Variants in BIRC6 observed in about 807,000 individuals in gnomAD.
BIRC6 encodes the protein dual E2 ubiquitin-conjugating enzyme/E3 ubiquitin-protein ligase BIRC6.
Under a neutral mutation model 503.3 loss-of-function variants are expected in BIRC6, and 98 were observed. The observed-to-expected ratio is 0.19, with a 90% CI of 0.17 to 0.23. The LOEUF (loss-of-function observed/expected upper bound fraction) is 0.23. Ranked by LOEUF, BIRC6 falls within the 10% of genes least tolerant of loss-of-function variation. BIRC6 has a pLI of 1.00. For missense variants in BIRC6, 5,360 were observed against 5,806.0 expected, an observed-to-expected ratio of 0.92 and a Z score of 2.50; for synonymous variants, 2,240 against 2,078.7, an observed-to-expected ratio of 1.08 and a Z score of -2.11.
intron 23 of BIRC6, among the ~76,000 whole-genome samples, chr2:32,459,707 G>A (rs559663964): frequency 2.6e-5 from 4 of 151,726 alleles, no homozygotes; most frequent in South Asian, 2.1e-4. Context: ...ACACACTGGT[G>A]GTATATATTC....
chr2:32,482,523 A>T lies in BIRC6; in HGVS notation c.7637A>T (p.Lys2546Met). 1 of 1,613,980 alleles carries T rather than the reference A, an allele frequency of 6.2e-7. No individual in the cohort carries two copies. Among genetic ancestry groups the T allele is most frequent in the East Asian group, 2.2e-5 (1 of 44,878 alleles). The change falls in exon 39 of 74, where the codon AAG becomes ATG. Residue 2546 changes from lysine (K) to methionine (M), a missense_variant. Physicochemically the swap from Lys to Met is moderately conservative, Grantham distance 95. Transcript: ENST00000421745. ...YIGGLGIPVA[K>M]PPANTEKNGS... is the part of the protein sequence containing the mutation. ...GGAGGTCTGGGAATTCCTGTAGCAA[A>T]GCCACCAGCAAACACGGAGAAGAAC...
At chr2:32,520,600 C>G (rs1023131025) in intron 57 of BIRC6, among the ~76,000 whole-genome samples, 7 of 152,132 alleles carry the variant, frequency 4.6e-5, no homozygotes, top group Non-Finnish European at 7.3e-5. Context: ...GGTGGATCAC[C>G]TCAGGTCAGG....
intron 23 of BIRC6, among the ~76,000 whole-genome samples, chr2:32,458,378 T>C (rs138929577): frequency 6.6e-6 from 1 of 152,298 alleles, no homozygotes; most frequent in Admixed American, 6.5e-5. Context: ...TCTTTAAATA[T>C]TGCTTCTGCT....
At chr2:32,560,996 G>C (rs1297155348) in intron 65 of BIRC6, among the ~76,000 whole-genome samples, 1 of 151,692 alleles carries the variant, frequency 6.6e-6, no homozygotes. Flanking sequence ...TCAGGAGGTC[G>C]AGACCAGCCT....
At chr2:32,583,966 A>G (rs1406452433) in intron 66 of BIRC6, among the ~76,000 whole-genome samples, 1 of 152,310 alleles carries the variant, frequency 6.6e-6, no homozygotes, top group East Asian at 1.9e-4. Context: ...TCCTGACCTC[A>G]GGCGATCTGC....
intron 12 of BIRC6, among the ~76,000 whole-genome samples, chr2:32,431,400 T>C (rs2044107420): frequency 6.6e-6 from 1 of 151,912 alleles, no homozygotes; most frequent in East Asian, 1.9e-4. Flanking sequence ...TTCACTCTGT[T>C]GGCCATGCTG....
At chr2:32,564,615 A>C (rs147528472) in intron 65 of BIRC6, 1 of 152,338 alleles carries the variant, frequency 6.6e-6, no homozygotes, top group East Asian at 1.9e-4. Context: ...GCATATTTTC[A>C]TGTGTTCATT....
In BIRC6 at chr2:32,519,170, A is replaced by T. The variant is rs1038071792; in HGVS notation, c.11623+224A>T. The T allele has an allele frequency of 9.7e-6, 4 of 412,550 alleles. No individual in the cohort carries two copies. In the South Asian group the frequency reaches 1.3e-4, roughly 14 times the overall value. 25.6% of individuals were successfully genotyped at this position (412,550 alleles called of 1,614,324 possible). ...TTTTGGTTTATTGTGTCACAGTGAGAAATGGGCAGCTAGAAATACAGACAA... is the reference window on the plus strand; with the variant it reads ...TTTTGGTTTATTGTGTCACAGTGAGTAATGGGCAGCTAGAAATACAGACAA... On this transcript the variant is annotated intron_variant, in intron 57 of 73. Coordinates refer to ENST00000421745, the MANE Select transcript of BIRC6 (RefSeq NM_016252.4).
chr2:32,491,575 C>A lies in BIRC6; in HGVS notation c.8340+17C>A. 6.2e-7 allele frequency: 1 copy of A among 1,610,118 alleles called. No individual in the cohort carries two copies. Among genetic ancestry groups the A allele is most frequent in the Non-Finnish European group, 8.5e-7 (1 of 1,178,124 alleles). On this transcript the variant is annotated intron_variant, in intron 44 of 73. Coordinates refer to ENST00000421745, the MANE Select transcript of BIRC6 (RefSeq NM_016252.4). ...AGTCCACAGGTAATATGATGTTTAG[C>A]CTGGCATATGCCCAGACTATTCAAT...
At chr2:32,396,198 C>T (rs564956274) in intron 6 of BIRC6, among the ~76,000 whole-genome samples, 1 of 152,014 alleles carries the variant, frequency 6.6e-6, no homozygotes. Context: ...TCATGTTTCC[C>T]TGTGAAGTAG....
rs144311879 is a variant in BIRC6 at position 32,602,989 on chromosome 2, C to G, written c.13993-17C>G. 7.5e-4 allele frequency: 1,193 copies of G among 1,591,544 alleles called. 8 individuals are homozygous for G. The African/African-American group carries it at 0.014, about 19-fold the overall frequency. On this transcript the variant is annotated splice_polypyrimidine_tract_variant and intron_variant, in intron 70 of 73. Coordinates refer to ENST00000421745, the MANE Select transcript of BIRC6 (RefSeq NM_016252.4). Reference sequence around the variant, plus strand: ...CACTCTTTTTTCAATTCTGTTTATGCTTTTTTCGTTCGTCAGGTTTGTTTA... The same window carrying G: ...CACTCTTTTTTCAATTCTGTTTATGGTTTTTTCGTTCGTCAGGTTTGTTTA...
rs142355464 is a variant in BIRC6 at position 32,404,297 on chromosome 2, A to G, written c.1419-2202A>G. Among the ~76,000 whole-genome samples, 130 of 151,976 alleles carry G rather than the reference A, an allele frequency of 8.6e-4. 2 individuals carry two copies. In the East Asian group the frequency reaches 0.023, roughly 27 times the overall value. ...ACCATACAATTCATGTAAGTGTACAATTTAGTTATTTTATTCATATAATTT... is the reference window on the plus strand; with the variant it reads ...ACCATACAATTCATGTAAGTGTACAGTTTAGTTATTTTATTCATATAATTT... On this transcript the variant is annotated intron_variant, in intron 8 of 73. Coordinates refer to ENST00000421745, the MANE Select transcript of BIRC6 (RefSeq NM_016252.4).
At chr2:32,404,210 G>A (rs1367818613) in intron 8 of BIRC6, among the ~76,000 whole-genome samples, 2 of 162 alleles carry the variant, frequency 0.012, no homozygotes, top group African/African-American at 0.05. Flanking sequence ...GATTACAGGC[G>A]TGAGCACCAC....
At chr2:32,361,227 G>A (rs1356434491) in intron 1 of BIRC6, among the ~76,000 whole-genome samples, 2 of 152,082 alleles carry the variant, frequency 1.3e-5, no homozygotes, top group African/African-American at 2.4e-5. Flanking sequence ...GGGCCACCGC[G>A]CCCAGCCCTA....
chr2:32,499,512 T>C lies in BIRC6; in HGVS notation c.8469-35T>C, dbSNP rs548406750. 2.7e-6 allele frequency: 4 copies of C among 1,484,970 alleles called. No homozygotes were observed. The South Asian group carries it at 5.3e-5, about 20-fold the overall frequency. The allele number at this position is 1,484,970 out of a possible 1,614,324, so 92.0% of individuals were successfully genotyped here. A position where few individuals can be genotyped will look rare whatever the true frequency, so the allele number is the denominator to read the frequency against. On this transcript the variant is annotated intron_variant, in intron 45 of 73. Transcript: ENST00000421745. ...TTCTCTTGTTGTATCTCTCTCTCTC[T>C]CTCTTTTTCTGTCTCTCTCTCTCTC... is the stretch of plus-strand genomic sequence containing the variant.
chr2:32,444,705 A>T (rs2045773767), intron 20 of BIRC6, among the ~76,000 whole-genome samples: 1 of 152,168 alleles, frequency 6.6e-6, no homozygotes, highest in African/African-American at 2.4e-5. Context: ...CCATTCAACA[A>T]GTTACCTCAG....
At chr2:32,379,900 T>TACAATA (rs2037375742) in intron 2 of BIRC6, among the ~76,000 whole-genome samples, 1 of 152,054 alleles carries the variant, frequency 6.6e-6, no homozygotes, top group Non-Finnish European at 1.5e-5. Context: ...TGATTTGGTT[T>TACAATA]ACAATAACTA....
intron 51 of BIRC6, among the ~76,000 whole-genome samples, chr2:32,509,124 A>G (rs765012820): frequency 6.6e-6 from 1 of 152,100 alleles, no homozygotes; most frequent in Non-Finnish European, 1.5e-5. Flanking sequence ...ACACAGTTTT[A>G]GAAGTCTATG....
chr2:32,451,218 C>A (rs1443370148), intron 22 of BIRC6, among the ~76,000 whole-genome samples: 1 of 152,176 alleles, frequency 6.6e-6, no homozygotes, highest in African/African-American at 2.4e-5. Context: ...TTCTGAAGTT[C>A]AAAGTTTCTA....
Sources: gnomAD v4.1 joint callset for allele counts (sites outside exome capture counted in the v4.1 genomes callset) on GRCh38, gnomAD v4.1.1 for gene constraint, MANE v1.5 for transcripts, NCBI Gene and HGNC (gene_info 2026-07-23, HGNC 2026-07-21) for gene names.